LBHD1: variants seen among roughly 807,000 people sequenced by gnomAD.
LBHD1 encodes the protein LBH domain containing 1.
LBHD1 carries 28 observed loss-of-function variants against 31.1 expected under a neutral mutation model. The observed-to-expected ratio is 0.90, with a 90% confidence interval of 0.67 to 1.24. The LOEUF is 1.24. Ranked by LOEUF, LBHD1 falls within the 50% of genes most tolerant of loss-of-function variation. The pLI, the probability that LBHD1 is intolerant of heterozygous loss-of-function variation, is 0.00. For synonymous variants in LBHD1, 105 were observed against 116.5 expected, an observed-to-expected ratio of 0.90 and a Z score of 0.63; for missense variants, 350 against 323.0, an observed-to-expected ratio of 1.08 and a Z score of -0.64.
intron 4 of LBHD1, chr11:62,666,084 A>C: frequency 3.8e-6 from 4 of 1,042,030 alleles, no homozygotes; most frequent in Non-Finnish European, 5.5e-6. Flanking sequence ...GTGGTGGCTC[A>C]CGGCTGTAAT....
intron 5 of LBHD1, among the ~76,000 whole-genome samples, chr11:62,663,808 T>C (rs779576533): frequency 6.6e-6 from 1 of 151,368 alleles, no homozygotes; most frequent in Non-Finnish European, 1.5e-5. Context: ...GGCGGTGGCT[T>C]ATGCCTGTAA....
chr11:62,666,468 CTG>C, intron 4 of LBHD1: 1 of 1,613,826 alleles, frequency 6.2e-7, no homozygotes. Flanking sequence ...CGTTTGGGCA[CTG>C]TCCCCACCTT....
Position 62,663,283 on chromosome 11 carries a change from A to G in LBHD1, c.714T>C (p.Thr238=). 1 of 1,614,122 alleles carries G rather than the reference A, an allele frequency of 6.2e-7. No homozygotes were observed. Among genetic ancestry groups the G allele is most frequent in the Non-Finnish European group, 8.5e-7 (1 of 1,180,034 alleles). Residue 238 remains threonine, a synonymous_variant, in exon 6 of 7, where the codon ACT becomes ACC. Transcript: ENST00000354588. ...HYTVREEAQK[T]PPADPACPER... Reference sequence around the variant, plus strand: ...CTGGGCAAGCCGGATCTGCTGGAGGAGTTTTCTGCGCTTCTTCCCTGACAG... The same window carrying G: ...CTGGGCAAGCCGGATCTGCTGGAGGGGTTTTCTGCGCTTCTTCCCTGACAG...
intron 4 of LBHD1, chr11:62,666,989 C>T (rs1182902114): frequency 6.2e-6 from 10 of 1,614,010 alleles, no homozygotes; most frequent in African/African-American, 1.3e-5. Context: ...TGTGACTGTG[C>T]AGGAGCTAGG....
chr11:62,664,273 G>A (rs1380443346), intron 5 of LBHD1, among the ~76,000 whole-genome samples: 1 of 149,656 alleles, frequency 6.7e-6, no homozygotes, highest in African/African-American at 2.5e-5. Context: ...AAAAATCTGT[G>A]TGAATGTATA....
intron 1 of LBHD1, chr11:62,670,981 C>T (rs538445091): frequency 4.2e-6 from 1 of 237,778 alleles, no homozygotes; most frequent in African/African-American, 2.3e-5. Context: ...CGCCTGTAAT[C>T]CCAGCTATCC....
intron 4 of LBHD1, chr11:62,665,559 G>A: frequency 6.4e-7 from 1 of 1,567,402 alleles, no homozygotes; most frequent in Non-Finnish European, 8.6e-7. Flanking sequence ...ATCCTCAAAC[G>A]CCGGGACACC....
At chr11:62,665,763 C>G (rs750219059) in intron 4 of LBHD1, 132 of 1,513,038 alleles carry the variant, frequency 8.7e-5, no homozygotes, top group Non-Finnish European at 1.1e-4. Context: ...GGAAGCTGTA[C>G]GCCGCCTTTC....
chr11:62,668,952 A>G (rs1410554081), intron 3 of LBHD1, among the ~76,000 whole-genome samples: 1 of 151,786 alleles, frequency 6.6e-6, no homozygotes, highest in Non-Finnish European at 1.5e-5. Context: ...TTTTTGAGGC[A>G]GAATCTGGCT....
In LBHD1 at chr11:62,672,158, A is replaced by G. The variant is rs1243274596; in HGVS notation, c.-605T>C. 5.2e-6 allele frequency: 8 copies of G among 1,528,874 alleles called. No individual in the cohort carries two copies. Among genetic ancestry groups the G allele is most frequent in the African/African-American group, 1.4e-5 (1 of 72,906 alleles). The allele number at this position is 1,528,874 out of a possible 1,614,324, so 94.7% of individuals were successfully genotyped here. On this transcript the variant is annotated 5_prime_UTR_variant, in exon 1 of 7. Transcript: ENST00000354588. The stretch of plus-strand genomic sequence containing the variant: ...GGGCGCCGGACCTTGGCTTGGGCGC[A>G]GGAATCCGAGGCAGCCTTTCTCCTT...
intron 1 of LBHD1, 47 bp downstream of exon 1, chr11:62,671,517 C>A (rs1944942255): frequency 1.4e-6 from 2 of 1,400,734 alleles, no homozygotes; most frequent in Non-Finnish European, 1.9e-6. Context: ...CCGCGCTCAG[C>A]CCTTGGTGCC....
chr11:62,664,333 T>A (rs1017032112), intron 5 of LBHD1, among the ~76,000 whole-genome samples: 7 of 138,456 alleles, frequency 5.1e-5, no homozygotes, highest in Admixed American at 1.4e-4. Context: ...ATTCTTTTTT[T>A]TTTTTTTTTT....
At chr11:62,666,324 C>T (rs762059150) in intron 4 of LBHD1, 25 of 1,478,212 alleles carry the variant, frequency 1.7e-5, no homozygotes, top group African/African-American at 2.8e-5. Context: ...AAAAAAAAGA[C>T]GCCAGTGTGT....
chr11:62,668,803 CAAAA>C (rs1323971895), intron 3 of LBHD1, among the ~76,000 whole-genome samples: 1 of 109,726 alleles, frequency 9.1e-6, no homozygotes. Flanking sequence ...GACTCTGTCT[CAAAA>C]AAAAAAACCA....
At position 62,664,860 on chromosome 11, in the gene LBHD1, G is replaced by C. The variant is rs778592658; in HGVS notation, c.652C>G (p.Gln218Glu). 2.5e-6 allele frequency: 4 copies of C among 1,571,718 alleles called. No individual in the cohort carries two copies. Among genetic ancestry groups the C allele is most frequent in the African/African-American group, 1.4e-5 (1 of 73,898 alleles). Residue 218 changes from glutamine to glutamate, a missense_variant, in exon 5 of 7, where the codon CAA (glutamine) becomes GAA (glutamate). Gln to Glu is a conservative substitution (Grantham distance 29). Transcript: ENST00000354588. ...RPRADHAAPP[Q>E]EAGVQCTCQH... The stretch of plus-strand genomic sequence containing the variant: ...GGTCTAGTACTTACGCCCGCTTCTT[G>C]AGGTGGTGCCGCGTGATCAGCCCTT...
intron 4 of LBHD1, chr11:62,667,123 T>G: frequency 7.0e-7 from 1 of 1,437,908 alleles, no homozygotes; most frequent in South Asian, 1.4e-5. Flanking sequence ...CTTTGCAAGC[T>G]ATCTGGCTGC....
In LBHD1 at chr11:62,664,886, G is replaced by T. The variant is rs879188188; in HGVS notation, c.626C>A (p.Pro209Gln). The T allele has an allele frequency of 6.3e-7, 1 of 1,587,662 alleles. No homozygotes were observed. Among genetic ancestry groups the T allele is most frequent in the Non-Finnish European group, 8.6e-7 (1 of 1,167,202 alleles). The change falls in exon 5 of 7, where the codon CCA becomes CAA. Residue 209 changes from proline (P) to glutamine (Q), a missense_variant. Pro to Gln is a moderately conservative substitution (Grantham distance 76, BLOSUM62 -1). Coordinates refer to ENST00000354588, the MANE Select transcript of LBHD1 (RefSeq NM_024099.5). ...AGGTGGTGCCGCGTGATCAGCCCTT[G>T]GTCTATCACAGCCCCGACCACCCGG... ...EAPGGRGCDRPRADHAAPPQE... is the reference protein window; with the variant it reads ...EAPGGRGCDRQRADHAAPPQE...
chr11:62,671,844 G>A lies in LBHD1; in HGVS notation c.-291C>T. 1.1e-5 allele frequency: 18 copies of A among 1,614,136 alleles called. No homozygotes were observed. Among genetic ancestry groups the A allele is most frequent in the Non-Finnish European group, 1.5e-5 (18 of 1,180,024 alleles). ...TCGTTATCGTGACCCCGGGAGAGCG[G>A]CGGAAGCAGGAAATGCTAAAGGTAG... On this transcript the variant is annotated 5_prime_UTR_variant, in exon 1 of 7. Coordinates refer to ENST00000354588, the MANE Select transcript of LBHD1 (RefSeq NM_024099.5).
chr11:62,666,927 A>G, intron 4 of LBHD1: 1 of 1,613,862 alleles, frequency 6.2e-7, no homozygotes, highest in African/African-American at 1.3e-5. Flanking sequence ...TTCTCAGATG[A>G]GGACCCTGAT....
Sources: allele counts gnomAD v4.1 joint callset (sites outside exome capture counted in the v4.1 genomes callset), GRCh38; gene constraint gnomAD v4.1.1; transcripts MANE v1.5; gene names NCBI Gene and HGNC (gene_info 2026-07-23, HGNC 2026-07-21).